AFG2A: variants seen among roughly 807,000 people sequenced by gnomAD.
AFG2A encodes the protein ATPase family gene 2 protein homolog A.
chr4:123,045,336 A>G, the AFG2A span, among the ~76,000 whole-genome samples: 1 of 152,256 alleles, frequency 6.6e-6, no homozygotes, highest in Admixed American at 6.5e-5. Flanking sequence ...ATTCTCTTAC[A>G]TAACCACAGT....
the AFG2A span, among the ~76,000 whole-genome samples, chr4:123,009,440 A>G: frequency 1.3e-5 from 2 of 152,220 alleles, no homozygotes; most frequent in Admixed American, 6.5e-5. Context: ...AGGTACATAC[A>G]TACTGGGATA....
chr4:123,101,210 A>G, the AFG2A span, among the ~76,000 whole-genome samples: 1 of 151,970 alleles, frequency 6.6e-6, no homozygotes, highest in African/African-American at 2.4e-5. Context: ...TTTAATTGAC[A>G]TGGAGATAAT....
At chr4:123,062,276 G>A in the AFG2A span, among the ~76,000 whole-genome samples, 1 of 152,132 alleles carries the variant, frequency 6.6e-6, no homozygotes, top group African/African-American at 2.4e-5. Flanking sequence ...TCATTGTTAT[G>A]TAAACATCAT....
chr4:122,958,037 G>C, the AFG2A span, among the ~76,000 whole-genome samples: 1 of 152,122 alleles, frequency 6.6e-6, no homozygotes. Flanking sequence ...GCTTAGTTTT[G>C]TTTGTAAACA....
the AFG2A span, among the ~76,000 whole-genome samples, chr4:123,151,033 T>C: frequency 1.3e-5 from 2 of 152,228 alleles, no homozygotes; most frequent in African/African-American, 2.4e-5. Flanking sequence ...ATTCCCTGTT[T>C]AGTAAATGGT....
chr4:123,127,607 A>C, the AFG2A span, among the ~76,000 whole-genome samples: 1 of 152,016 alleles, frequency 6.6e-6, no homozygotes, highest in Admixed American at 6.6e-5. Flanking sequence ...GAAATGCTTT[A>C]TTATTTGGTG....
the AFG2A span, among the ~76,000 whole-genome samples, chr4:122,961,018 G>C: frequency 1.1e-4 from 17 of 152,298 alleles, no homozygotes; most frequent in Admixed American, 1.3e-4. Flanking sequence ...CTTATGGTGA[G>C]CTCTACATTC....
the AFG2A span, among the ~76,000 whole-genome samples, chr4:122,949,446 G>A: frequency 2.6e-5 from 4 of 152,214 alleles, no homozygotes; most frequent in African/African-American, 9.7e-5. Flanking sequence ...AGGTACTCAT[G>A]TTAACTGCCT....
the AFG2A span, among the ~76,000 whole-genome samples, chr4:123,029,102 C>A: frequency 6.6e-6 from 1 of 152,206 alleles, no homozygotes; most frequent in South Asian, 2.1e-4. Context: ...GGCACATGAT[C>A]ATCTGTTTTG....
chr4:123,257,968 A>G, the AFG2A span, among the ~76,000 whole-genome samples: 2 of 152,206 alleles, frequency 1.3e-5, no homozygotes, highest in Non-Finnish European at 2.9e-5. Context: ...ATTCTTATGT[A>G]GTGCACTTCT....
chr4:123,136,998 G>A, the AFG2A span, among the ~76,000 whole-genome samples: 1,907 of 152,186 alleles, frequency 0.013, 39 homozygotes, highest in African/African-American at 0.043. Context: ...GGTTGGTTTC[G>A]GGATGAAACT....
the AFG2A span, among the ~76,000 whole-genome samples, chr4:123,291,777 C>T: frequency 1.3e-5 from 2 of 152,176 alleles, no homozygotes; most frequent in Non-Finnish European, 2.9e-5. Context: ...TTATCTGATG[C>T]TTTTGTCTCA....
the AFG2A span, among the ~76,000 whole-genome samples, chr4:123,158,639 C>T: frequency 2.6e-5 from 4 of 152,012 alleles, no homozygotes; most frequent in Admixed American, 2.0e-4. Flanking sequence ...AGTATATAAA[C>T]ATACTTATTA....
the AFG2A span, among the ~76,000 whole-genome samples, chr4:122,996,052 T>G: frequency 6.6e-6 from 1 of 152,322 alleles, no homozygotes; most frequent in African/African-American, 2.4e-5. Flanking sequence ...TAATATAGCT[T>G]AAAATCTATC....
At chr4:122,992,119 G>A in the AFG2A span, among the ~76,000 whole-genome samples, 126,540 of 152,212 alleles carry the variant, frequency 0.83, 53,744 homozygotes, top group East Asian at 0.96. Flanking sequence ...ATTACTGCCA[G>A]TGGGGAATGT....
At chr4:123,130,946 T>C in the AFG2A span, among the ~76,000 whole-genome samples, 7 of 151,960 alleles carry the variant, frequency 4.6e-5, no homozygotes, top group Non-Finnish European at 8.8e-5. Context: ...TTTTCTTTAG[T>C]TTTAATCATT....
the AFG2A span, among the ~76,000 whole-genome samples, chr4:122,994,100 C>T: frequency 1.7e-4 from 26 of 152,140 alleles, no homozygotes; most frequent in African/African-American, 6.3e-4. Flanking sequence ...TCTCATCTTT[C>T]TTCTTTACCA....
chr4:123,058,038 T>G, the AFG2A span, among the ~76,000 whole-genome samples: 3 of 152,230 alleles, frequency 2.0e-5, no homozygotes, highest in African/African-American at 7.2e-5. Flanking sequence ...AAGTGTGATA[T>G]GAAACATTGC....
chr4:123,027,173 C>T, the AFG2A span, among the ~76,000 whole-genome samples: 1 of 151,912 alleles, frequency 6.6e-6, no homozygotes, highest in Admixed American at 6.6e-5. Flanking sequence ...TGAATCTTGT[C>T]AGAGAAATCT....
Sources: gnomAD v4.1 joint callset for allele counts (sites outside exome capture counted in the v4.1 genomes callset) on GRCh38, gnomAD v4.1.1 for gene constraint, MANE v1.5 for transcripts, NCBI Gene and HGNC (gene_info 2026-07-23, HGNC 2026-07-21) for gene names.